Variants in CDH13 observed in about 807,000 individuals in gnomAD.
CDH13 encodes cadherin 13, also known as cadherin-13.
In CDH13, 24 loss-of-function variants were observed where a neutral mutation model predicts 63.8. That is an observed-to-expected ratio of 0.38 (90% CI 0.27 to 0.53). The LOEUF (loss-of-function observed/expected upper bound fraction) is 0.53, where lower values mean the gene tolerates loss of function less well. Ranked by LOEUF, CDH13 falls within the 20% of genes least tolerant of loss-of-function variation. The pLI is 0.85. For synonymous variants in CDH13, 503 were observed against 355.3 expected (o/e 1.42, Z -4.67); for missense variants, 1,049 against 903.1 (o/e 1.16, Z -2.07).
intron 2 of CDH13, among the ~76,000 whole-genome samples, chr16:82,966,289 C>G (rs1007863949): frequency 6.6e-6 from 1 of 152,126 alleles, no homozygotes; most frequent in Non-Finnish European, 1.5e-5. Flanking sequence ...GCTGGGACTA[C>G]AGGCGCCCGC....
rs549240365 is a variant in CDH13 at position 83,366,602 on chromosome 16, G to A, written c.781+21596G>A. 6.3e-4 allele frequency among the ~76,000 whole-genome samples: 96 copies of A among 152,336 alleles called. No individual in the cohort carries two copies. The South Asian group carries it at 8.9e-3, about 14-fold the overall frequency. On this transcript the variant is annotated intron_variant, in intron 6 of 13. Transcript: ENST00000567109. ...AGCTACCATCATTAAGGAAGTCACA[G>A]TTGCTGGTTTAAGGCTTGTACAAGC...
intron 10 of CDH13, among the ~76,000 whole-genome samples, chr16:83,691,092 G>A (rs1172144089): frequency 3.0e-5 from 4 of 132,192 alleles, no homozygotes; most frequent in Non-Finnish European, 4.7e-5. Flanking sequence ...GTGTGTGTGT[G>A]TGTGTGTGTG....
chr16:83,456,361 G>T (rs2073025166), intron 6 of CDH13, among the ~76,000 whole-genome samples: 1 of 152,220 alleles, frequency 6.6e-6, no homozygotes, highest in African/African-American at 2.4e-5. Context: ...AGGTAAAGAG[G>T]ATACAGAAAT....
chr16:83,396,197 A>C (rs960832715), intron 6 of CDH13, among the ~76,000 whole-genome samples: 13 of 152,112 alleles, frequency 8.5e-5, no homozygotes, highest in Non-Finnish European at 1.6e-4. Context: ...TCTATCGTTG[A>C]TGGGCACTTA....
intron 2 of CDH13, among the ~76,000 whole-genome samples, chr16:82,892,111 C>T (rs2041101214): frequency 6.6e-6 from 1 of 152,160 alleles, no homozygotes; most frequent in Non-Finnish European, 1.5e-5. Context: ...TTTATGAGCT[C>T]ATAGCCTTGG....
At chr16:82,808,953 A>G (rs2037299428) in intron 1 of CDH13, among the ~76,000 whole-genome samples, 1 of 152,186 alleles carries the variant, frequency 6.6e-6, no homozygotes. Flanking sequence ...TTTTTTAGGT[A>G]GGTGCAATAA....
intron 7 of CDH13, among the ~76,000 whole-genome samples, chr16:83,582,872 G>A (rs1567783282): frequency 6.6e-6 from 1 of 152,216 alleles, no homozygotes; most frequent in East Asian, 1.9e-4. Flanking sequence ...TCCATCCACT[G>A]AGCAGAATGG....
At chr16:83,223,614 C>T (rs937690141) in intron 5 of CDH13, among the ~76,000 whole-genome samples, 2 of 152,218 alleles carry the variant, frequency 1.3e-5, no homozygotes. Context: ...AGCTCAGAAC[C>T]TCTGATCTGC....
intron 7 of CDH13, among the ~76,000 whole-genome samples, chr16:83,532,348 C>G (rs931610190): frequency 1.6e-4 from 24 of 152,180 alleles, no homozygotes; most frequent in Non-Finnish European, 4.4e-5. Flanking sequence ...CCCATTGCAC[C>G]TTGAAATTCA....
intron 10 of CDH13, among the ~76,000 whole-genome samples, chr16:83,685,814 C>T (rs1275850029): frequency 1.3e-5 from 2 of 152,160 alleles, no homozygotes; most frequent in African/African-American, 2.4e-5. Flanking sequence ...CGCCAGAAAC[C>T]CTGCTTTCGT....
chr16:82,722,553 G>C (rs1042826734), intron 1 of CDH13, among the ~76,000 whole-genome samples: 2 of 152,204 alleles, frequency 1.3e-5, no homozygotes, highest in African/African-American at 4.8e-5. Flanking sequence ...CACATGGCCA[G>C]CTCTGCAGCT....
intron 1 of CDH13, among the ~76,000 whole-genome samples, chr16:82,689,345 A>C (rs1221675724): frequency 6.6e-6 from 1 of 152,134 alleles, no homozygotes; most frequent in East Asian, 1.9e-4. Context: ...ATTGTTAGTT[A>C]TCATATTCAT....
At chr16:83,140,771 A>T (rs550400508) in intron 4 of CDH13, among the ~76,000 whole-genome samples, 2 of 152,320 alleles carry the variant, frequency 1.3e-5, no homozygotes, top group African/African-American at 4.8e-5. Flanking sequence ...ATGTATCTTA[A>T]GGCATAGAGC....
chr16:82,684,767 T>C (rs1238116800), intron 1 of CDH13, among the ~76,000 whole-genome samples: 2 of 152,224 alleles, frequency 1.3e-5, no homozygotes, highest in Non-Finnish European at 2.9e-5. Context: ...AGAATTATCC[T>C]CTGCAAACAT....
At chr16:82,860,926 C>G (rs2039919147) in intron 2 of CDH13, among the ~76,000 whole-genome samples, 1 of 152,158 alleles carries the variant, frequency 6.6e-6, no homozygotes, top group South Asian at 2.1e-4. Context: ...ACTCTCCCCT[C>G]TCTCTCATTC....
intron 6 of CDH13, among the ~76,000 whole-genome samples, chr16:83,447,405 G>C (rs1015390481): frequency 2.6e-5 from 4 of 151,894 alleles, no homozygotes; most frequent in African/African-American, 9.7e-5. Context: ...ACAAGAGCTA[G>C]ACTCCATCCC....
At chr16:83,057,647 CA>C (rs1345864744) in intron 3 of CDH13, among the ~76,000 whole-genome samples, 1 of 151,422 alleles carries the variant, frequency 6.6e-6, no homozygotes, top group African/African-American at 2.4e-5. Flanking sequence ...GCATGACACA[CA>C]AAACCATCTA....
Position 83,508,868 on chromosome 16 carries a change from G to A in CDH13, c.960+22213G>A, listed in dbSNP as rs117284890. ...TTTAGATATCTTGTAACAGGCACAAGGTACCGTGTAGAGCTGAGGTGTAAT... is the reference window on the plus strand; with the variant it reads ...TTTAGATATCTTGTAACAGGCACAAAGTACCGTGTAGAGCTGAGGTGTAAT... On this transcript the variant is annotated intron_variant, in intron 7 of 13. Transcript: ENST00000567109. 8.0e-3 allele frequency among the ~76,000 whole-genome samples: 1,214 copies of A among 152,260 alleles called. 15 individuals are homozygous for A. The highest frequency in any genetic ancestry group is 0.013 in the Non-Finnish European group (857 of 68,024).
At chr16:83,434,386 C>T (rs2151487102) in intron 6 of CDH13, among the ~76,000 whole-genome samples, 1 of 152,248 alleles carries the variant, frequency 6.6e-6, no homozygotes, top group Admixed American at 6.5e-5. Flanking sequence ...AAGATGACTT[C>T]CTCAAGGGTC....
Sources: gnomAD v4.1 joint callset for allele counts (sites outside exome capture counted in the v4.1 genomes callset) on GRCh38, gnomAD v4.1.1 for gene constraint, MANE v1.5 for transcripts, NCBI Gene and HGNC (gene_info 2026-07-23, HGNC 2026-07-21) for gene names.